The following SPC25 variants were observed in gnomAD, a reference collection of about 807,000 sequenced individuals.
SPC25 encodes the protein kinetochore protein Spc25.
Under a neutral mutation model 29.6 loss-of-function variants are expected in SPC25, and 22 were observed. The ratio of observed to expected loss-of-function variants is 0.74; its 90% CI spans 0.53 to 1.06. The LOEUF (loss-of-function observed/expected upper bound fraction) is 1.06, where lower values mean the gene tolerates loss of function less well. Ranked by LOEUF, SPC25 falls within the 50% of genes least tolerant of loss-of-function variation. The pLI, the probability that SPC25 is intolerant of heterozygous loss-of-function variation, is 0.00. For synonymous variants in SPC25, 91 were observed against 90.4 expected, an observed-to-expected ratio of 1.01 and a Z score of -0.04; for missense variants, 230 against 255.8, an observed-to-expected ratio of 0.90 and a Z score of 0.69.
At chr2:168,861,791 G>A (rs10497348) in intron 4 of SPC25, among the ~76,000 whole-genome samples, 25,249 of 152,194 alleles carry the variant, frequency 0.17, 4,625 homozygotes, top group African/African-American at 0.46. Flanking sequence ...TGCATCATAA[G>A]TGGTTATTGA....
At position 168,889,221 on chromosome 2, in the gene SPC25, C is replaced by T; in HGVS notation, c.199+5G>A. On this transcript the variant is annotated splice_donor_5th_base_variant and intron_variant, in intron 3 of 6. Coordinates refer to ENST00000282074, the MANE Select transcript of SPC25 (RefSeq NM_020675.4). ...AAACCCCATGATTTATACTTTTTCA[C>T]ATACGATTTTGATATTCCAGAAACA... The T allele has an allele frequency of 1.2e-6, 2 of 1,609,852 alleles. No homozygotes were observed. The highest frequency in any genetic ancestry group is 1.7e-6 in the Non-Finnish European group (2 of 1,178,484).
At chr2:168,867,302 C>T (rs140818288), downstream of SPC25, among the ~76,000 whole-genome samples, 845 of 152,154 alleles carry the variant, frequency 5.6e-3, 14 homozygotes, top group African/African-American at 0.019. Flanking sequence ...TAAAGGCCAT[C>T]AAGGCTAGGA....
At chr2:168,863,340 A>AAGAT (rs1202978647) in intron 4 of SPC25, 6 of 904,502 alleles carry the variant, frequency 6.6e-6, no homozygotes, top group South Asian at 5.1e-5. Context: ...AAATGTAGAA[A>AAGAT]AGATAGAAAA....
At position 168,871,379 on chromosome 2, in the gene SPC25, G is replaced by C; in HGVS notation, c.*52C>G. On this transcript the variant is annotated 3_prime_UTR_variant, in exon 7 of 7. Coordinates refer to ENST00000282074, the MANE Select transcript of SPC25 (RefSeq NM_020675.4). ...TAATAATAAAAACAAGAAAAAAAGA[G>C]ATATGTAATAGAGAAGAAAAATAAA... 1 of 1,464,260 alleles carries C rather than the reference G, an allele frequency of 6.8e-7. No individual in the cohort carries two copies. Among genetic ancestry groups the C allele is most frequent in the Non-Finnish European group, 9.2e-7 (1 of 1,089,282 alleles). 90.7% of individuals were successfully genotyped at this position (1,464,260 alleles called of 1,614,324 possible).
chr2:168,870,539 T>C (rs1204362241), downstream of SPC25, among the ~76,000 whole-genome samples: 1 of 151,854 alleles, frequency 6.6e-6, no homozygotes, highest in Non-Finnish European at 1.5e-5. Flanking sequence ...CATCAAAAAG[T>C]GGGCGAAGGA....
chr2:168,886,422 T>C (rs1048062350), intron 3 of SPC25, among the ~76,000 whole-genome samples: 20 of 152,198 alleles, frequency 1.3e-4, no homozygotes, highest in African/African-American at 4.1e-4. Flanking sequence ...GATTATACTT[T>C]ATGCACTGTT....
intron 3 of SPC25, among the ~76,000 whole-genome samples, chr2:168,878,070 T>C (rs1242458607): frequency 6.6e-6 from 1 of 152,084 alleles, no homozygotes; most frequent in East Asian, 1.9e-4. Flanking sequence ...CTATATAAAT[T>C]ATTCCGGAAC....
At chr2:168,864,229 G>A (rs114375128) in intron 4 of SPC25, among the ~76,000 whole-genome samples, 2,566 of 151,632 alleles carry the variant, frequency 0.017, 70 homozygotes, top group African/African-American at 0.057. Flanking sequence ...TGCCCATCGC[G>A]GCCTCCCAAC....
chr2:168,881,066 C>T (rs368611429), intron 3 of SPC25, among the ~76,000 whole-genome samples: 1 of 152,268 alleles, frequency 6.6e-6, no homozygotes, highest in South Asian at 2.1e-4. Context: ...TTGCCATTAA[C>T]CTTTAATTTG....
downstream of SPC25, among the ~76,000 whole-genome samples, chr2:168,868,294 A>G (rs1689905694): frequency 6.6e-6 from 1 of 152,222 alleles, no homozygotes; most frequent in African/African-American, 2.4e-5. Context: ...AATTCAAAGA[A>G]CTAGAAAAGC....
downstream of SPC25, among the ~76,000 whole-genome samples, chr2:168,870,450 C>A (rs898736425): frequency 3.3e-5 from 5 of 150,580 alleles, no homozygotes; most frequent in African/African-American, 9.8e-5. Context: ...ATTTTTGCAA[C>A]CTACTCATCT....
At chr2:168,878,698 G>A (rs1001540064) in intron 3 of SPC25, among the ~76,000 whole-genome samples, 38 of 152,298 alleles carry the variant, frequency 2.5e-4, no homozygotes, top group African/African-American at 7.9e-4. Context: ...AAAATCAATA[G>A]TTTTTGTACA....
intron 3 of SPC25, among the ~76,000 whole-genome samples, chr2:168,881,246 C>T (rs989787245): frequency 2.0e-5 from 3 of 152,324 alleles, no homozygotes; most frequent in Non-Finnish European, 4.4e-5. Flanking sequence ...GTCCCTGTCA[C>T]TCTCTGTACA....
chr2:168,888,788 A>AT (rs199623255), intron 3 of SPC25, among the ~76,000 whole-genome samples: 18 of 144,726 alleles, frequency 1.2e-4, no homozygotes, highest in East Asian at 2.0e-4. Flanking sequence ...TTAATTTTTA[A>AT]TTTTTTTTTT....
At chr2:168,888,036 T>C (rs2105838518) in intron 3 of SPC25, among the ~76,000 whole-genome samples, 1 of 152,312 alleles carries the variant, frequency 6.6e-6, no homozygotes, top group South Asian at 2.1e-4. Context: ...CCTAGCACTT[T>C]GGGCAGCCAA....
chr2:168,887,012 A>G (rs972401337), intron 3 of SPC25, among the ~76,000 whole-genome samples: 5 of 152,190 alleles, frequency 3.3e-5, no homozygotes, highest in Non-Finnish European at 5.9e-5. Flanking sequence ...CCCAAACTCA[A>G]TATCACTCTT....
intron 4 of SPC25, chr2:168,861,949 A>G: frequency 6.2e-7 from 1 of 1,613,606 alleles, no homozygotes; most frequent in Non-Finnish European, 8.5e-7. Flanking sequence ...TTACAGCTTT[A>G]TCTATTTCAG....
chr2:168,867,742 C>CTGAGTGACCTATAAAG (rs1426840633), downstream of SPC25, among the ~76,000 whole-genome samples: 3 of 150,450 alleles, frequency 2.0e-5, no homozygotes, highest in South Asian at 2.1e-4. Context: ...AAAGCAAGTC[C>CTGAGTGACCTATAAAG]ACAATAATAA....
At chr2:168,872,486 A>T (rs1690013045) in intron 6 of SPC25, among the ~76,000 whole-genome samples, 2 of 152,210 alleles carry the variant, frequency 1.3e-5, no homozygotes, top group Admixed American at 1.3e-4. Context: ...ACAAGTCTCC[A>T]GTGAAGGTGG....
Sources: allele counts gnomAD v4.1 joint callset (sites outside exome capture counted in the v4.1 genomes callset), GRCh38; gene constraint gnomAD v4.1.1; transcripts MANE v1.5; gene names NCBI Gene and HGNC (gene_info 2026-07-23, HGNC 2026-07-21).